AKAP19: variants seen among roughly 807,000 people sequenced by gnomAD.
AKAP19 encodes the protein A-kinase anchoring protein 19, also known as small A-kinase anchoring protein.
the AKAP19 span, among the ~76,000 whole-genome samples, chr2:189,892,547 G>A: frequency 6.6e-6 from 1 of 152,200 alleles, no homozygotes; most frequent in African/African-American, 2.4e-5. Flanking sequence ...GTTTGCATGG[G>A]TATCACCAGC....
the AKAP19 span, among the ~76,000 whole-genome samples, chr2:190,139,699 T>C: frequency 1.3e-5 from 2 of 152,100 alleles, no homozygotes; most frequent in Non-Finnish European, 2.9e-5. Flanking sequence ...ACCTCCATGA[T>C]TCAATTACCT....
the AKAP19 span, among the ~76,000 whole-genome samples, chr2:190,048,728 A>C: frequency 2.6e-5 from 4 of 152,228 alleles, no homozygotes; most frequent in African/African-American, 9.6e-5. Flanking sequence ...ATTTTGCCTC[A>C]GTTTCTTTCT....
chr2:190,193,004 C>T, the AKAP19 span, among the ~76,000 whole-genome samples: 3 of 151,822 alleles, frequency 2.0e-5, no homozygotes, highest in East Asian at 5.8e-4. Flanking sequence ...GTATGTCTTC[C>T]CTTCCTCATA....
the AKAP19 span, among the ~76,000 whole-genome samples, chr2:190,065,220 G>A: frequency 1.3e-5 from 2 of 152,048 alleles, no homozygotes; most frequent in African/African-American, 4.8e-5. Flanking sequence ...GACGTGCTGC[G>A]TGGTGTTCCT....
At chr2:190,064,440 G>A in the AKAP19 span, among the ~76,000 whole-genome samples, 2 of 152,146 alleles carry the variant, frequency 1.3e-5, no homozygotes, top group African/African-American at 4.8e-5. Context: ...GAATTGTATA[G>A]CAGTTGAATT....
the AKAP19 span, among the ~76,000 whole-genome samples, chr2:189,916,026 G>A: frequency 6.6e-6 from 1 of 152,072 alleles, no homozygotes; most frequent in East Asian, 1.9e-4. Context: ...ATAGTGTGTA[G>A]CATAGAGCTT....
chr2:190,034,620 G>A, the AKAP19 span, among the ~76,000 whole-genome samples: 63 of 151,120 alleles, frequency 4.2e-4, no homozygotes, highest in African/African-American at 1.5e-3. Context: ...CAAGGAGGGC[G>A]GATCACTTGA....
chr2:190,201,256 G>A, the AKAP19 span: 1 of 166,796 alleles, frequency 6.0e-6, no homozygotes, highest in South Asian at 2.1e-4. Context: ...CATTTTTACT[G>A]TCACAGCACA....
At chr2:190,201,603 C>T in the AKAP19 span, 1 of 166,906 alleles carries the variant, frequency 6.0e-6, no homozygotes, top group African/African-American at 2.4e-5. Flanking sequence ...TACTTTGAAA[C>T]CCACAATCAA....
chr2:190,194,684 T>C, the AKAP19 span, among the ~76,000 whole-genome samples: 1 of 152,208 alleles, frequency 6.6e-6, no homozygotes, highest in Non-Finnish European at 1.5e-5. Flanking sequence ...CTGTTCCACC[T>C]ATTCATCTCA....
the AKAP19 span, among the ~76,000 whole-genome samples, chr2:189,985,394 T>G: frequency 2.6e-5 from 4 of 152,256 alleles, no homozygotes; most frequent in Non-Finnish European, 5.9e-5. Context: ...TATTGGCACA[T>G]AACCTCCTCA....
the AKAP19 span, among the ~76,000 whole-genome samples, chr2:190,141,014 T>C: frequency 6.6e-6 from 1 of 152,208 alleles, no homozygotes; most frequent in Non-Finnish European, 1.5e-5. Flanking sequence ...AAATGCCACC[T>C]GTCTCTTTGC....
chr2:189,964,948 C>T, the AKAP19 span, among the ~76,000 whole-genome samples: 1 of 152,206 alleles, frequency 6.6e-6, no homozygotes, highest in Non-Finnish European at 1.5e-5. Flanking sequence ...TTTGCATTCA[C>T]AACTTGGCTA....
At chr2:190,017,809 T>A in the AKAP19 span, among the ~76,000 whole-genome samples, 1 of 152,154 alleles carries the variant, frequency 6.6e-6, no homozygotes, top group African/African-American at 2.4e-5. Context: ...GCTTAAAGAA[T>A]TTTTTTTAGA....
the AKAP19 span, among the ~76,000 whole-genome samples, chr2:190,037,140 A>C: frequency 1.1e-4 from 17 of 152,228 alleles, no homozygotes; most frequent in African/African-American, 3.6e-4. Flanking sequence ...TAGGGCTCAG[A>C]CATCCTTGAA....
the AKAP19 span, among the ~76,000 whole-genome samples, chr2:190,022,344 G>T: frequency 6.6e-6 from 1 of 152,108 alleles, no homozygotes; most frequent in East Asian, 1.9e-4. Flanking sequence ...TGGACATGGG[G>T]TGTGTACAAA....
the AKAP19 span, among the ~76,000 whole-genome samples, chr2:190,159,356 T>C: frequency 6.6e-6 from 1 of 152,226 alleles, no homozygotes; most frequent in African/African-American, 2.4e-5. Flanking sequence ...AGCCTTTGTA[T>C]TCTCACCGTC....
At chr2:190,175,288 G>A in the AKAP19 span, among the ~76,000 whole-genome samples, 1 of 152,114 alleles carries the variant, frequency 6.6e-6, no homozygotes, top group East Asian at 1.9e-4. Context: ...ACGGACAGAT[G>A]CACATCAGTA....
the AKAP19 span, among the ~76,000 whole-genome samples, chr2:189,988,802 T>A: frequency 6.6e-6 from 1 of 152,248 alleles, no homozygotes; most frequent in Non-Finnish European, 1.5e-5. Flanking sequence ...CAGTCTGACT[T>A]GCAGCAAGGT....
Sources: gnomAD v4.1 joint callset for allele counts (sites outside exome capture counted in the v4.1 genomes callset) on GRCh38, gnomAD v4.1.1 for gene constraint, MANE v1.5 for transcripts, NCBI Gene and HGNC (gene_info 2026-07-23, HGNC 2026-07-21) for gene names.